Variants in PTK2B observed in about 807,000 individuals in gnomAD.
PTK2B encodes protein-tyrosine kinase 2-beta.
A neutral mutation model predicts 142.9 loss-of-function variants in PTK2B; 71 were observed. That is an observed-to-expected ratio of 0.50 (90% CI 0.41 to 0.61). The LOEUF is 0.61. PTK2B is among the 20% of genes least tolerant of loss of function. The probability of loss-of-function intolerance (pLI) is 0.00; values close to 1 mark genes in which losing one functional copy is unlikely to be tolerated. For synonymous variants in PTK2B, 519 were observed against 503.4 expected, an observed-to-expected ratio of 1.03 and a Z score of -0.42; for missense variants, 1,105 against 1,320.4, an observed-to-expected ratio of 0.84 and a Z score of 2.53.
upstream of PTK2B, chr8:27,311,456 G>A (rs1423716770): frequency 4.9e-6 from 3 of 613,790 alleles, no homozygotes; most frequent in South Asian, 6.9e-5. Flanking sequence ...GGGAAATCTT[G>A]GGAGAGCGGG....
intron 1 of PTK2B, among the ~76,000 whole-genome samples, chr8:27,371,027 A>T (rs1806324865): frequency 6.6e-6 from 1 of 151,888 alleles, no homozygotes; most frequent in Non-Finnish European, 1.5e-5. Flanking sequence ...TCCCAAGAAG[A>T]TGGGGCTACA....
rs1012045586 is a variant in PTK2B at position 27,360,674 on chromosome 8, A to G, written c.-38+34993A>G. On this transcript the variant is annotated intron_variant, in intron 1 of 30. Coordinates refer to ENST00000346049, the MANE Select transcript of PTK2B (RefSeq NM_173176.3). ...AGGATTTCCTGGGGTACGATGCCCC[A>G]ATACACTGTGAACTACCAAATGACA... is the stretch of plus-strand genomic sequence containing the variant. Among the ~76,000 whole-genome samples the G allele has an allele frequency of 3.9e-5, 6 of 152,360 alleles. 1 individual carries two copies. The highest frequency in any genetic ancestry group is 8.8e-5 in the Non-Finnish European group (6 of 68,030).
chr8:27,331,040 T>C (rs1269077803), intron 1 of PTK2B, among the ~76,000 whole-genome samples: 1 of 152,184 alleles, frequency 6.6e-6, no homozygotes, highest in South Asian at 2.1e-4. Flanking sequence ...TTCTCTCTCT[T>C]CCTTTTATGT....
Position 27,383,365 on chromosome 8 carries a change from C to T in PTK2B, c.-37-14183C>T, listed in dbSNP as rs142250727. ...GGTTCAAGCAATTCTCCTGTCTCAG[C>T]CTCCCAAGTATCTGGGATTACAGGC... On this transcript the variant is annotated intron_variant, in intron 1 of 30. Coordinates refer to ENST00000346049, the MANE Select transcript of PTK2B (RefSeq NM_173176.3). Among the ~76,000 whole-genome samples, 317 of 152,240 alleles carry T rather than the reference C, an allele frequency of 2.1e-3. 1 individual carries two copies. Among genetic ancestry groups the T allele is most frequent in the African/African-American group, 7.3e-3 (303 of 41,540 alleles).
intron 3 of PTK2B, among the ~76,000 whole-genome samples, chr8:27,313,713 A>G (rs1439276073): frequency 6.6e-6 from 1 of 152,156 alleles, no homozygotes; most frequent in Non-Finnish European, 1.5e-5. Context: ...CCGGAAGGTC[A>G]TACTCCACTA....
upstream of PTK2B, among the ~76,000 whole-genome samples, chr8:27,321,023 G>A (rs1803203370): frequency 1.4e-5 from 1 of 71,264 alleles, no homozygotes; most frequent in East Asian, 4.1e-4. Flanking sequence ...ACAGGGTGTT[G>A]CTCTGTTGCC....
chr8:27,396,068 AT>A (rs1421794289), intron 1 of PTK2B: 1 of 152,132 alleles, frequency 6.6e-6, no homozygotes, highest in Non-Finnish European at 1.5e-5. Flanking sequence ...CTTATGCCAC[AT>A]TTTGCTGCCC....
At position 27,340,245 on chromosome 8, in the gene PTK2B, G is replaced by A. The variant is rs186274474; in HGVS notation, c.-38+14564G>A. ...AGATGTTCTGCATGACAGTGGAGCA[G>A]ATGCCATGGAGGCAGGAAGGCCAGA... On this transcript the variant is annotated intron_variant, in intron 1 of 30. Transcript: ENST00000346049. 2.9e-3 allele frequency among the ~76,000 whole-genome samples: 443 copies of A among 152,356 alleles called. 2 individuals carry two copies. Among genetic ancestry groups the A allele is most frequent in the Non-Finnish European group, 4.9e-3 (332 of 68,032 alleles).
At chr8:27,384,647 A>C (rs2131183081) in intron 1 of PTK2B, among the ~76,000 whole-genome samples, 2 of 152,348 alleles carry the variant, frequency 1.3e-5, no homozygotes, top group Admixed American at 1.3e-4. Flanking sequence ...TCAACTTGCT[A>C]TACAGCTCAA....
At chr8:27,451,907 G>A in intron 27 of PTK2B, 1 of 393,428 alleles carries the variant, frequency 2.5e-6, no homozygotes, top group Non-Finnish European at 3.6e-6. Flanking sequence ...GGACAGAGGA[G>A]AGAAAGTGAG....
At chr8:27,435,889 C>T in intron 14 of PTK2B, 96 bp downstream of exon 14, 2 of 1,409,366 alleles carry the variant, frequency 1.4e-6, no homozygotes, top group Non-Finnish European at 2.0e-6. Context: ...TTCTTTTCCT[C>T]CTTTATCCTC....
At chr8:27,324,386 C>T (rs17057011), upstream of PTK2B, among the ~76,000 whole-genome samples, 16,753 of 152,284 alleles carry the variant, frequency 0.11, 2,916 homozygotes, top group African/African-American at 0.37. Context: ...TTGTGAGCCC[C>T]ATGCTGGGCA....
At chr8:27,326,662 C>T (rs753361254) in intron 1 of PTK2B, among the ~76,000 whole-genome samples, 17 of 152,204 alleles carry the variant, frequency 1.1e-4, no homozygotes, top group Non-Finnish European at 1.6e-4. Flanking sequence ...ACGTGGGATG[C>T]TCTCTGTTCA....
intron 1 of PTK2B, among the ~76,000 whole-genome samples, chr8:27,337,067 G>A (rs375889473): frequency 1.5e-4 from 22 of 149,474 alleles, no homozygotes; most frequent in South Asian, 1.0e-3. Flanking sequence ...TTCACATACC[G>A]TAAAATTCAC....
At chr8:27,356,979 C>T (rs781337721) in intron 1 of PTK2B, among the ~76,000 whole-genome samples, 1 of 152,186 alleles carries the variant, frequency 6.6e-6, no homozygotes, top group Non-Finnish European at 1.5e-5. Context: ...TGTATCTTGA[C>T]TGTGGTGATG....
At chr8:27,349,916 A>AG (rs577256552) in intron 1 of PTK2B, among the ~76,000 whole-genome samples, 2 of 152,214 alleles carry the variant, frequency 1.3e-5, no homozygotes, top group Non-Finnish European at 2.9e-5. Context: ...TAAAGTTGTC[A>AG]GGATAGATTG....
chr8:27,316,074 G>A (rs752184168), intron 3 of PTK2B, among the ~76,000 whole-genome samples: 8 of 152,164 alleles, frequency 5.3e-5, no homozygotes, highest in Admixed American at 6.5e-5. Context: ...CCTTATTGAT[G>A]TTCAAGTCCT....
At chr8:27,330,829 G>A (rs1803703137) in intron 1 of PTK2B, among the ~76,000 whole-genome samples, 1 of 152,166 alleles carries the variant, frequency 6.6e-6, no homozygotes, top group Admixed American at 6.5e-5. Context: ...GCCACAGGGG[G>A]CCTGCAGGGG....
upstream of PTK2B, among the ~76,000 whole-genome samples, chr8:27,321,301 A>G (rs1056294243): frequency 7.9e-5 from 12 of 152,022 alleles, no homozygotes; most frequent in Non-Finnish European, 1.2e-4. Flanking sequence ...TGGCCTCAAA[A>G]AAACATTCTT....
Sources: allele counts gnomAD v4.1 joint callset (sites outside exome capture counted in the v4.1 genomes callset), GRCh38; gene constraint gnomAD v4.1.1; transcripts MANE v1.5; gene names NCBI Gene and HGNC (gene_info 2026-07-23, HGNC 2026-07-21).